The following B3GALT1 variants were observed in gnomAD, a reference collection of about 807,000 sequenced individuals.
B3GALT1 encodes beta-1,3-galactosyltransferase 1, also known as UDP-Gal:betaGlcNAc beta 1,3-galactosyltransferase, polypeptide 1.
B3GALT1 carries 10 observed loss-of-function variants against 23.2 expected under a neutral mutation model. That is an observed-to-expected ratio of 0.43 (90% confidence interval 0.27 to 0.73). The LOEUF (loss-of-function observed/expected upper bound fraction) is 0.73, where lower values mean the gene tolerates loss of function less well. B3GALT1 is among the 30% of genes least tolerant of loss of function. B3GALT1 has a pLI of 0.21. For synonymous variants in B3GALT1, 156 were observed against 141.5 expected, an observed-to-expected ratio of 1.10 and a Z score of -0.73; for missense variants, 299 against 405.4, an observed-to-expected ratio of 0.74 and a Z score of 2.25.
chr2:167,693,002 C>T (rs568640447), intron 3 of B3GALT1, among the ~76,000 whole-genome samples: 15 of 151,442 alleles, frequency 9.9e-5, no homozygotes, highest in Non-Finnish European at 1.8e-4. Context: ...AAGCTGACAG[C>T]ATTATAAGTA....
intron 1 of B3GALT1, among the ~76,000 whole-genome samples, chr2:167,297,899 C>G (rs1696380716): frequency 6.6e-6 from 1 of 152,058 alleles, no homozygotes; most frequent in Admixed American, 6.6e-5. Context: ...TCAAGAAAAG[C>G]CTTCAAGATT....
At chr2:167,457,253 G>A (rs1699186165) in intron 1 of B3GALT1, among the ~76,000 whole-genome samples, 2 of 151,838 alleles carry the variant, frequency 1.3e-5, no homozygotes, top group Admixed American at 6.6e-5. Context: ...GCTCACTGCA[G>A]CTTCCGCCTC....
chr2:167,402,564 G>T lies in B3GALT1; in HGVS notation c.-510-87613G>T, dbSNP rs753461370. Among the ~76,000 whole-genome samples the T allele has an allele frequency of 1.1e-3, 163 of 152,166 alleles. 2 individuals carry two copies. Among genetic ancestry groups the T allele is most frequent in the Admixed American group, 5.2e-4 (8 of 15,278 alleles). ...ACTAGGTACTTTCTTAGTTATGAAG[G>T]TTTTTTAATTAAATTAGTCTTCACA... On this transcript the variant is annotated intron_variant, in intron 1 of 4. Coordinates refer to ENST00000392690, the MANE Select transcript of B3GALT1 (RefSeq NM_020981.4).
chr2:167,572,538 C>T (rs1346292253), intron 2 of B3GALT1, among the ~76,000 whole-genome samples: 2 of 151,718 alleles, frequency 1.3e-5, no homozygotes, highest in Non-Finnish European at 3.0e-5. Flanking sequence ...ACAAGACTTT[C>T]TCATTTTAGC....
intron 2 of B3GALT1, among the ~76,000 whole-genome samples, chr2:167,580,573 C>G (rs1684465414): frequency 6.6e-6 from 1 of 152,158 alleles, no homozygotes; most frequent in African/African-American, 2.4e-5. Flanking sequence ...CCTCCCTACC[C>G]AGCCTCCCTG....
chr2:167,441,986 G>T (rs1400451526), intron 1 of B3GALT1, among the ~76,000 whole-genome samples: 1 of 151,526 alleles, frequency 6.6e-6, no homozygotes, highest in Non-Finnish European at 1.5e-5. Flanking sequence ...CCATTAACTC[G>T]TCATCTAGCA....
intron 2 of B3GALT1, among the ~76,000 whole-genome samples, chr2:167,498,830 A>C (rs1209370328): frequency 1.3e-5 from 2 of 152,064 alleles, no homozygotes; most frequent in Admixed American, 1.3e-4. Flanking sequence ...ATTAAAAACC[A>C]CTGTCAAGAA....
At chr2:167,335,140 C>G (rs999632028) in intron 1 of B3GALT1, among the ~76,000 whole-genome samples, 1 of 151,896 alleles carries the variant, frequency 6.6e-6, no homozygotes, top group Non-Finnish European at 1.5e-5. Context: ...AAATATCCCT[C>G]TTTCTGTCTT....
At chr2:167,851,051 T>C (rs1029582284) in intron 4 of B3GALT1, among the ~76,000 whole-genome samples, 1 of 152,176 alleles carries the variant, frequency 6.6e-6, no homozygotes, top group Non-Finnish European at 1.5e-5. Flanking sequence ...CAATAGTGCC[T>C]ATATATACTT....
intron 1 of B3GALT1, among the ~76,000 whole-genome samples, chr2:167,429,695 T>C (rs555694614): frequency 6.6e-6 from 1 of 152,206 alleles, no homozygotes; most frequent in Admixed American, 6.5e-5. Context: ...ATTTCAGGCC[T>C]GTCACTTCCA....
intron 3 of B3GALT1, among the ~76,000 whole-genome samples, chr2:167,809,994 TC>T (rs1198184746): frequency 6.6e-6 from 1 of 152,124 alleles, no homozygotes; most frequent in Non-Finnish European, 1.5e-5. Context: ...CAGGCGCCCC[TC>T]CCCCAGCCTC....
At chr2:167,703,453 C>G (rs77316977) in intron 3 of B3GALT1, among the ~76,000 whole-genome samples, 1 of 151,740 alleles carries the variant, frequency 6.6e-6, no homozygotes, top group African/African-American at 2.4e-5. Flanking sequence ...GGGAAACTTA[C>G]GTTTTGTATT....
chr2:167,613,659 G>A (rs1341657724), intron 2 of B3GALT1, among the ~76,000 whole-genome samples: 1 of 151,710 alleles, frequency 6.6e-6, no homozygotes, highest in Non-Finnish European at 1.5e-5. Context: ...CTCTGAGGAT[G>A]TTGGGAAGAA....
chr2:167,409,520 C>T (rs559928879), intron 1 of B3GALT1, among the ~76,000 whole-genome samples: 8 of 151,740 alleles, frequency 5.3e-5, no homozygotes, highest in Non-Finnish European at 1.2e-4. Flanking sequence ...ATTCTGATAT[C>T]CTTTCTTCTG....
In B3GALT1 at chr2:167,871,885, T is replaced by G. The variant is rs1690355695; in HGVS notation, c.*1865T>G. On this transcript the variant is annotated 3_prime_UTR_variant, in exon 5 of 5. Transcript: ENST00000392690. The stretch of plus-strand genomic sequence containing the variant: ...GCTGAAAGAGTGTACCTTTTTTATT[T>G]ATTTACTTTTTTTTTTTTTTTTTTT... The G allele has an allele frequency of 6.7e-6, 1 of 149,344 alleles. No homozygotes were observed. The allele number at this position is 149,344 out of a possible 1,614,324, so 9.3% of individuals were successfully genotyped here. A position where few individuals can be genotyped will look rare whatever the true frequency, so the allele number is the denominator to read the frequency against.
intron 4 of B3GALT1, among the ~76,000 whole-genome samples, chr2:167,823,816 A>AAAAT (rs965736181): frequency 1.2e-4 from 18 of 152,340 alleles, no homozygotes; most frequent in African/African-American, 4.3e-4. Flanking sequence ...CCTCTCTTGG[A>AAAAT]AAATAAGAAT....
intron 3 of B3GALT1, among the ~76,000 whole-genome samples, chr2:167,808,812 C>T (rs4667984): frequency 0.44 from 66,818 of 151,780 alleles, 16,793 homozygotes; most frequent in African/African-American, 0.67. Context: ...CTGTATTTCC[C>T]GAATTTGAAT....
intron 2 of B3GALT1, among the ~76,000 whole-genome samples, chr2:167,566,719 A>G (rs1312114806): frequency 1.3e-5 from 2 of 152,148 alleles, no homozygotes; most frequent in African/African-American, 2.4e-5. Context: ...TTGAGCATGT[A>G]TAGAATGGGT....
intron 1 of B3GALT1, among the ~76,000 whole-genome samples, chr2:167,435,433 CAAAAAAAAAAAAAA>C (rs1159357073): frequency 2.7e-4 from 7 of 26,192 alleles, no homozygotes; most frequent in African/African-American, 3.8e-4. Context: ...CATATGCTTG[CAAAAAAAAAAAAAA>C]AAAAAAAAAA....
Sources: allele counts gnomAD v4.1 joint callset (sites outside exome capture counted in the v4.1 genomes callset), GRCh38; gene constraint gnomAD v4.1.1; transcripts MANE v1.5; gene names NCBI Gene and HGNC (gene_info 2026-07-23, HGNC 2026-07-21).